LYST: variants seen among roughly 807,000 people sequenced by gnomAD.
The protein encoded by LYST is lysosomal trafficking regulator.
A neutral mutation model predicts 413.6 loss-of-function variants in LYST; 192 were observed. The ratio of observed to expected loss-of-function variants is 0.46; its 90% CI spans 0.41 to 0.52. The LOEUF (loss-of-function observed/expected upper bound fraction) is 0.52, where lower values mean the gene tolerates loss of function less well. Ranked by LOEUF, LYST falls within the 20% of genes least tolerant of loss-of-function variation. The probability of loss-of-function intolerance (pLI) is 0.00; values close to 1 mark genes in which losing one functional copy is unlikely to be tolerated. For missense variants in LYST, 3,815 were observed against 4,499.9 expected, an observed-to-expected ratio of 0.85 and a Z score of 4.35; for synonymous variants, 1,525 against 1,567.3, an observed-to-expected ratio of 0.97 and a Z score of 0.64.
chr1:235,812,791 T>C (rs900701704), intron 4 of LYST, among the ~76,000 whole-genome samples, 180 bp downstream of exon 4: 3 of 152,360 alleles, frequency 2.0e-5, no homozygotes, highest in East Asian at 3.9e-4. Flanking sequence ...AGAAGCACCA[T>C]GGTTTTTGTA....
chr1:235,719,936 G>A (rs1272545567), intron 40 of LYST, among the ~76,000 whole-genome samples: 1 of 151,994 alleles, frequency 6.6e-6, no homozygotes, highest in African/African-American at 2.4e-5. Context: ...TCAGCACTTT[G>A]GGAGGCCAAG....
rs370037768 is a variant in LYST, at chr1:235,731,154, T to C, written c.8825A>G (p.Tyr2942Cys). ...HDRAVWYDPIYYPTSWQLDPT... is the reference protein window; with the variant it reads ...HDRAVWYDPICYPTSWQLDPT... ...ATCCAACTGCCATGAGGTTGGATAG[T>C]AGATGGGGTCATACCATACTGCTCT... The change falls in exon 35 of 53, where the codon TAC becomes TGC. Residue 2942 changes from tyrosine (Y) to cysteine (C), a missense_variant. Around this residue, in one of 4 missense-constraint regions of LYST, gnomAD observed 866 missense variants for 1,156.0 expected, o/e 0.75. Coordinates refer to ENST00000389793, the MANE Select transcript of LYST (RefSeq NM_000081.4). The C allele has an allele frequency of 3.7e-6, 6 of 1,614,084 alleles. No homozygotes were observed. Among genetic ancestry groups the C allele is most frequent in the East Asian group, 2.2e-5 (1 of 44,862 alleles).
At chr1:235,756,716 T>C (rs1287826956) in intron 24 of LYST, among the ~76,000 whole-genome samples, 1 of 152,150 alleles carries the variant, frequency 6.6e-6, no homozygotes, top group Non-Finnish European at 1.5e-5. Flanking sequence ...GGAGCTTATA[T>C]TTGTGAGAAA....
At chr1:235,784,480 C>T (rs1423744290) in intron 14 of LYST, among the ~76,000 whole-genome samples, 2 of 152,146 alleles carry the variant, frequency 1.3e-5, no homozygotes. Context: ...TGACATAATT[C>T]AGAAAAAGGC....
rs147724454 is a variant in LYST at position 235,810,230 on chromosome 1, A to G, written c.588T>C (p.Pro196=). The G allele has an allele frequency of 4.0e-5, 64 of 1,614,130 alleles. No individual in the cohort carries two copies. The African/African-American group carries it at 6.9e-4, about 17-fold the overall frequency. ...HLLHHFLTSF[P]KQDHPKAKLD... is the part of the protein sequence containing the mutation. ...GTTTAGCTTTGGGGTGGTCTTGTTT[A>G]GGAAACGATGTTAAAAAATGATGCA... The change falls in exon 5 of 53, where the codon CCT becomes CCC. Residue 196 remains proline (P), a synonymous_variant. Transcript: ENST00000389793.
At position 235,746,543 on chromosome 1, in the gene LYST, A is replaced by G. The variant is rs766390727; in HGVS notation, c.7781-16T>C. 6.3e-7 allele frequency: 1 copy of G among 1,583,410 alleles called. No homozygotes were observed. Among genetic ancestry groups the G allele is most frequent in the East Asian group, 2.3e-5 (1 of 44,422 alleles). On this transcript the variant is annotated splice_polypyrimidine_tract_variant and intron_variant, in intron 28 of 52. Coordinates refer to ENST00000389793, the MANE Select transcript of LYST (RefSeq NM_000081.4). ...TTTCGAGGACCTTTAAAAGTATATA[A>G]ATTAAAACATCAAATCCCAGTGTTA...
At position 235,800,988 on chromosome 1, in the gene LYST, C is replaced by CAGCAT. The variant is rs1315636646; in HGVS notation, c.3817_3821dup (p.Glu1275CysfsTer4). 1.2e-6 allele frequency: 2 copies of CAGCAT among 1,613,436 alleles called. No individual in the cohort carries two copies. Among genetic ancestry groups the CAGCAT allele is most frequent in the Non-Finnish European group, 1.7e-6 (2 of 1,179,616 alleles). ...TACTAGCAGAAAGCAAATTTAATTCCAGCATACAAATCTCAGGATAAATTA... is the reference window on the plus strand; with the variant it reads ...TACTAGCAGAAAGCAAATTTAATTCCAGCATAGCATACAAATCTCAGGATAAATTA... On this transcript the variant is annotated frameshift_variant, in exon 9 of 53. Coordinates refer to ENST00000389793, the MANE Select transcript of LYST (RefSeq NM_000081.4). LOFTEE classifies it high-confidence loss of function.
At position 235,729,637 on chromosome 1, in the gene LYST, C is replaced by T; in HGVS notation, c.9065G>A (p.Ser3022Asn). The change falls in exon 37 of 53, where the codon AGT (serine) becomes AAT (asparagine). Residue 3022 changes from serine (S) to asparagine (N), a missense_variant. Transcript: ENST00000389793. ...ESIRVNRRCISVAPSRETAGE... is the reference protein window; with the variant it reads ...ESIRVNRRCINVAPSRETAGE... ...AGCTGTCTCTCTAGATGGTGCAACA[C>T]TGATGCATCTTCGATTCACTCTGTC... 2 of 1,609,858 alleles carry T rather than the reference C, an allele frequency of 1.2e-6. No homozygotes were observed. The highest frequency in any genetic ancestry group is 1.7e-6 in the Non-Finnish European group (2 of 1,176,328).
At chr1:235,667,135 A>C (rs1401411224) in intron 50 of LYST, among the ~76,000 whole-genome samples, 1 of 152,246 alleles carries the variant, frequency 6.6e-6, no homozygotes, top group Admixed American at 6.5e-5. Flanking sequence ...CGAATGTATA[A>C]TTTAACACAT....
chr1:235,811,240 T>C (rs573015794), intron 4 of LYST, among the ~76,000 whole-genome samples: 2 of 152,348 alleles, frequency 1.3e-5, no homozygotes, highest in South Asian at 4.1e-4. Context: ...AGAGATGCTG[T>C]AGATTATCTG....
chr1:235,670,115 C>T (rs1221414570), intron 50 of LYST, among the ~76,000 whole-genome samples: 2 of 151,946 alleles, frequency 1.3e-5, no homozygotes, highest in African/African-American at 4.8e-5. Context: ...CCCAGACATG[C>T]CCAGACTTGT....
Position 235,809,105 on chromosome 1 carries a change from GA to G in LYST, c.1712del (p.Val571AlafsTer21). 6.2e-7 allele frequency: 1 copy of G among 1,614,090 alleles called. No homozygotes were observed. The highest frequency in any genetic ancestry group is 8.5e-7 in the Non-Finnish European group (1 of 1,179,976). On this transcript the variant is annotated frameshift_variant, in exon 5 of 53. Coordinates refer to ENST00000389793, the MANE Select transcript of LYST (RefSeq NM_000081.4). LOFTEE classifies it high-confidence loss of function. The surrounding 1 kb of genome is among the most constrained non-coding windows in gnomAD (Gnocchi z 4.0). The part of the protein sequence containing the change: ...LQQASLSSTC[V>X]QILSGVHNIG... ...TGTTATGAACACCCGATAGGATCTG[GA>G]CACAAGTGCTGCTCAAGGAAGCCTG...
chr1:235,880,346 A>G (rs900970843), intron 1 of LYST, among the ~76,000 whole-genome samples: 2 of 152,230 alleles, frequency 1.3e-5, no homozygotes, highest in African/African-American at 4.8e-5. Context: ...TTCTGAAAAC[A>G]TGCATGGTAA....
At position 235,715,435 on chromosome 1, in the gene LYST, T is replaced by C. The variant is rs551327432; in HGVS notation, c.9628-78A>G. 1.2e-5 allele frequency: 16 copies of C among 1,356,632 alleles called. No homozygotes were observed. In the Admixed American group the frequency reaches 2.8e-4, roughly 24 times the overall value. 84.0% of individuals were successfully genotyped at this position (1,356,632 alleles called of 1,614,324 possible). On this transcript the variant is annotated intron_variant, in intron 41 of 52. Transcript: ENST00000389793. ...CTAGAAAAGTGCTGGATGTTTTTTT[T>C]TCTCTCCTTCTCTACTACCCCTTTG...
At position 235,718,325 on chromosome 1, in the gene LYST, C is replaced by G. The variant is rs1031378810; in HGVS notation, c.9561-1547G>C. Among the ~76,000 whole-genome samples the G allele has an allele frequency of 2.0e-5, 3 of 151,968 alleles. No individual in the cohort carries two copies. The East Asian group carries it at 5.8e-4, about 29-fold the overall frequency. ...GGCCACACATGTTGGTCTATACACA[C>G]CCAGATGTTTTTGTATTTATCTGTG... On this transcript the variant is annotated intron_variant, in intron 40 of 52. Coordinates refer to ENST00000389793, the MANE Select transcript of LYST (RefSeq NM_000081.4).
chr1:235,843,876 T>G (rs976737102), intron 1 of LYST, among the ~76,000 whole-genome samples: 4 of 152,212 alleles, frequency 2.6e-5, no homozygotes, highest in Non-Finnish European at 4.4e-5. Flanking sequence ...TTTCACCAAA[T>G]GCCAAAAAAT....
intron 3 of LYST, among the ~76,000 whole-genome samples, chr1:235,825,439 C>G (rs914871338): frequency 5.3e-5 from 8 of 151,996 alleles, no homozygotes; most frequent in African/African-American, 1.7e-4. Flanking sequence ...CATACAAAAT[C>G]CTAGGGAATC....
chr1:235,668,174 G>A (rs73124544), intron 50 of LYST, among the ~76,000 whole-genome samples: 7,729 of 151,910 alleles, frequency 0.051, 614 homozygotes, highest in African/African-American at 0.17. Flanking sequence ...AGATACAAAG[G>A]ATTGTCTGTA....
rs1265219552 is a variant in LYST, at chr1:235,661,169, G to T, written c.*1771C>A. The T allele has an allele frequency of 6.6e-6, 1 of 152,368 alleles. No homozygotes were observed. Among genetic ancestry groups the T allele is most frequent in the Non-Finnish European group, 1.5e-5 (1 of 68,010 alleles). 9.4% of individuals were successfully genotyped at this position (152,368 alleles called of 1,614,324 possible). On this transcript the variant is annotated 3_prime_UTR_variant, in exon 53 of 53. Coordinates refer to ENST00000389793, the MANE Select transcript of LYST (RefSeq NM_000081.4). ...AGTATTTCAAACATATACATATTAGGTTTCATGCTGAATAAATAATCCCCC... is the reference window on the plus strand; with the variant it reads ...AGTATTTCAAACATATACATATTAGTTTTCATGCTGAATAAATAATCCCCC...
Sources: allele counts gnomAD v4.1 joint callset (sites outside exome capture counted in the v4.1 genomes callset), GRCh38; gene constraint gnomAD v4.1.1; regional missense constraint gnomAD v4.1.1; non-coding constraint Gnocchi (gnomAD v3.1); transcripts MANE v1.5; gene names NCBI Gene and HGNC (gene_info 2026-07-23, HGNC 2026-07-21).